Variants in PRKAG2 observed in about 807,000 individuals in gnomAD.
PRKAG2 encodes the protein 5'-AMP-activated protein kinase subunit gamma-2.
PRKAG2 carries 26 observed loss-of-function variants against 69.6 expected under a neutral mutation model. That is an observed-to-expected ratio of 0.37 (90% CI 0.27 to 0.52). The LOEUF (loss-of-function observed/expected upper bound fraction) is 0.52. Ranked by LOEUF, PRKAG2 falls within the 20% of genes least tolerant of loss-of-function variation. PRKAG2 has a pLI of 0.90. For missense variants in PRKAG2, 557 were observed against 740.0 expected, an observed-to-expected ratio of 0.75 and a Z score of 2.87; for synonymous variants, 293 against 285.0, an observed-to-expected ratio of 1.03 and a Z score of -0.28.
At chr7:151,607,964 G>A (rs2151199724) in intron 5 of PRKAG2, among the ~76,000 whole-genome samples, 1 of 152,286 alleles carries the variant, frequency 6.6e-6, no homozygotes, top group South Asian at 2.1e-4. Flanking sequence ...GTGAGGATCT[G>A]GAGATGAGGT....
At chr7:151,561,443 T>C (rs1429883668) in intron 14 of PRKAG2, among the ~76,000 whole-genome samples, 1 of 152,200 alleles carries the variant, frequency 6.6e-6, no homozygotes, top group African/African-American at 2.4e-5. Context: ...TTTTCTGCAG[T>C]GTCTTTTCTC....
Position 151,781,133 on chromosome 7 carries a change from A to C in PRKAG2, c.466+19T>G. The C allele has an allele frequency of 1.5e-5, 24 of 1,613,594 alleles. No homozygotes were observed. Among genetic ancestry groups the C allele is most frequent in the Non-Finnish European group, 2.0e-5 (24 of 1,179,998 alleles). ...CAGCACCCCAGCACCCACCTGAAAC[A>C]ATAGCATCAAGGTCTTACTTTTTCT... On this transcript the variant is annotated intron_variant, in intron 3 of 15. Transcript: ENST00000287878. This position sits in a 1 kb window ranked among gnomAD's most constrained non-coding sequence, Gnocchi z 6.1.
intron 1 of PRKAG2, among the ~76,000 whole-genome samples, chr7:151,841,146 C>T (rs1586702004): frequency 2.0e-5 from 3 of 152,268 alleles, no homozygotes; most frequent in East Asian, 3.9e-4. Flanking sequence ...TGCCACCACA[C>T]CAAGCTAATT....
intron 3 of PRKAG2, among the ~76,000 whole-genome samples, chr7:151,730,982 C>G (rs1798838781): frequency 6.6e-6 from 1 of 152,168 alleles, no homozygotes; most frequent in Non-Finnish European, 1.5e-5. Flanking sequence ...ACACCAGCTT[C>G]CTGACACACC....
At chr7:151,876,067 C>T (rs1586766282) in intron 1 of PRKAG2, among the ~76,000 whole-genome samples, 1 of 145,936 alleles carries the variant, frequency 6.9e-6, no homozygotes. Context: ...CACCCACCGC[C>T]CCTCCCCTCT....
At chr7:151,750,125 A>T (rs2074568301) in intron 3 of PRKAG2, among the ~76,000 whole-genome samples, 1 of 151,348 alleles carries the variant, frequency 6.6e-6, no homozygotes, top group Non-Finnish European at 1.5e-5. Flanking sequence ...AAAGAACTGA[A>T]CCGTTGGCAA....
intron 3 of PRKAG2, among the ~76,000 whole-genome samples, chr7:151,770,597 C>G (rs758674082): frequency 6.6e-6 from 1 of 152,178 alleles, no homozygotes; most frequent in African/African-American, 2.4e-5. Flanking sequence ...AATGTAGGAA[C>G]CTTATCATTC....
chr7:151,633,381 T>G (rs1385930974), intron 4 of PRKAG2, among the ~76,000 whole-genome samples: 2 of 151,986 alleles, frequency 1.3e-5, no homozygotes, highest in Non-Finnish European at 2.9e-5. Flanking sequence ...ACTAATCCTA[T>G]TCAACATGGT....
At position 151,638,877 on chromosome 7, in the gene PRKAG2, CTGAATA is replaced by C. The variant is rs1026121700; in HGVS notation, c.685-6745_685-6740del. On this transcript the variant is annotated intron_variant, in intron 4 of 15. Transcript: ENST00000287878. This position sits in a 1 kb window ranked among gnomAD's most constrained non-coding sequence, Gnocchi z 4.3. Reference sequence around the variant, plus strand: ...ACCTCAAATACTGGGTAAGGAGCTCCTGAATAATTTAGCATACAGAACTCTTAGTTT... The same window carrying C: ...ACCTCAAATACTGGGTAAGGAGCTCCATTTAGCATACAGAACTCTTAGTTT... Among the ~76,000 whole-genome samples, 7 of 152,192 alleles carry C rather than the reference CTGAATA, an allele frequency of 4.6e-5. No individual in the cohort carries two copies. Among genetic ancestry groups the C allele is most frequent in the African/African-American group, 1.7e-4 (7 of 41,456 alleles).
In PRKAG2 at chr7:151,816,625, C is replaced by T. The variant is rs146435784; in HGVS notation, c.115-30084G>A. On this transcript the variant is annotated intron_variant, in intron 1 of 15. Transcript: ENST00000287878. ...ACCAGAGGGCAGTGCTAGCATAAACCTGAGGTTTAGCAGAAAGCTGGCGCC... is the reference window on the plus strand; with the variant it reads ...ACCAGAGGGCAGTGCTAGCATAAACTTGAGGTTTAGCAGAAAGCTGGCGCC... Among the ~76,000 whole-genome samples the T allele has an allele frequency of 4.9e-4, 75 of 152,318 alleles. No homozygotes were observed. In the East Asian group the frequency reaches 0.014, roughly 29 times the overall value.
chr7:151,781,663 T>A lies in PRKAG2; in HGVS notation c.187-232A>T, dbSNP rs2076678538. ...GCAGCACCACGTCCTGGAGGTCCAC[T>A]GACCATCCTGTCCCACTCCTTAGAA... On this transcript the variant is annotated intron_variant, in intron 2 of 15. Transcript: ENST00000287878. This position sits in a 1 kb window ranked among gnomAD's most constrained non-coding sequence, Gnocchi z 6.1. 6.6e-6 allele frequency among the ~76,000 whole-genome samples: 1 copy of A among 152,174 alleles called. No individual in the cohort carries two copies. The highest frequency in any genetic ancestry group is 1.5e-5 in the Non-Finnish European group (1 of 68,022).
At chr7:151,862,764 T>C (rs757554110) in intron 1 of PRKAG2, among the ~76,000 whole-genome samples, 1 of 152,174 alleles carries the variant, frequency 6.6e-6, no homozygotes, top group Non-Finnish European at 1.5e-5. Context: ...CAGGGAGCAC[T>C]GGTAGGTCCC....
intron 1 of PRKAG2, among the ~76,000 whole-genome samples, chr7:151,831,667 T>C (rs779865821): frequency 6.6e-6 from 1 of 152,160 alleles, no homozygotes; most frequent in Admixed American, 6.5e-5. Flanking sequence ...TGTTCTGATA[T>C]TCATTTGTAT....
chr7:151,652,117 A>G (rs1234734237), intron 4 of PRKAG2, among the ~76,000 whole-genome samples: 1 of 152,240 alleles, frequency 6.6e-6, no homozygotes, highest in Non-Finnish European at 1.5e-5. Flanking sequence ...TTGTATACAC[A>G]TATCACAGCA....
intron 5 of PRKAG2, among the ~76,000 whole-genome samples, chr7:151,617,814 T>C (rs886422754): frequency 2.6e-5 from 4 of 152,208 alleles, no homozygotes; most frequent in Admixed American, 6.5e-5. Context: ...TTATTCACAA[T>C]TTTAACTTAA....
chr7:151,652,021 A>G (rs1340923730), intron 4 of PRKAG2, among the ~76,000 whole-genome samples: 1 of 152,206 alleles, frequency 6.6e-6, no homozygotes, highest in Non-Finnish European at 1.5e-5. Flanking sequence ...AAGACTGCTA[A>G]GTGTAGATTT....
intron 5 of PRKAG2, among the ~76,000 whole-genome samples, chr7:151,630,472 T>C (rs1431890486): frequency 2.0e-5 from 3 of 152,252 alleles, no homozygotes; most frequent in Non-Finnish European, 2.9e-5. Context: ...TTAAATGCCA[T>C]GATACGGATT....
At chr7:151,659,193 T>C (rs2151424340) in intron 4 of PRKAG2, among the ~76,000 whole-genome samples, 1 of 152,326 alleles carries the variant, frequency 6.6e-6, no homozygotes, top group Non-Finnish European at 1.5e-5. Flanking sequence ...CTAGGCGGTT[T>C]ATTTAAAAAG....
At chr7:151,867,043 C>T (rs2151911015) in intron 1 of PRKAG2, among the ~76,000 whole-genome samples, 1 of 152,254 alleles carries the variant, frequency 6.6e-6, no homozygotes, top group South Asian at 2.1e-4. Flanking sequence ...GAACTTCCAG[C>T]AGTGGGAGGA....
Sources: allele counts gnomAD v4.1 joint callset (sites outside exome capture counted in the v4.1 genomes callset), GRCh38; gene constraint gnomAD v4.1.1; non-coding constraint Gnocchi (gnomAD v3.1); transcripts MANE v1.5; gene names NCBI Gene and HGNC (gene_info 2026-07-23, HGNC 2026-07-21).